Variants in APC observed in about 807,000 individuals in gnomAD.
APC encodes the protein APC regulator of Wnt signaling pathway, also known as adenomatous polyposis coli protein.
APC carries 72 observed loss-of-function variants against 247.0 expected under a neutral mutation model. The ratio of observed to expected loss-of-function variants is 0.29; its 90% confidence interval spans 0.24 to 0.35. The LOEUF is 0.35. Ranked by LOEUF, APC falls within the 10% of genes least tolerant of loss-of-function variation. The pLI is 1.00. For missense variants in APC, 3,400 were observed against 3,360.7 expected (o/e 1.01, Z -0.29); for synonymous variants, 1,254 against 1,162.5 (o/e 1.08, Z -1.60).
rs56320268 is a variant in APC at position 112,801,652 on chromosome 5, C to A, written c.834+269C>A. ...GATTGTGAGTAGTTTTTTTTAATAA[C>A]TCTAAGCTGCATTTTGATTATGTAT... On this transcript the variant is annotated intron_variant, in intron 8 of 15. Transcript: ENST00000257430. Among the ~76,000 whole-genome samples the A allele has an allele frequency of 0.015, 2,325 of 151,906 alleles. 33 individuals are homozygous for A. The highest frequency in any genetic ancestry group is 0.018 in the African/African-American group (725 of 41,412).
rs1413542387 is a variant in APC at position 112,842,976 on chromosome 5, C to T, written c.7382C>T (p.Ser2461Leu). 1.9e-6 allele frequency: 3 copies of T among 1,614,084 alleles called. No individual in the cohort carries two copies. Among genetic ancestry groups the T allele is most frequent in the South Asian group, 1.1e-5 (1 of 91,080 alleles). ...AGAAGAAAATTGGAGGAATCTGCTTCATTTGAATCTCTTTCTCCATCATCT... is the reference window on the plus strand; with the variant it reads ...AGAAGAAAATTGGAGGAATCTGCTTTATTTGAATCTCTTTCTCCATCATCT... Reference protein sequence around the residue: ...TLRRKLEESASFESLSPSSRP... With the variant: ...TLRRKLEESALFESLSPSSRP... The change falls in exon 16 of 16, where the codon TCA becomes TTA. Residue 2461 changes from serine to leucine, a missense_variant. Physicochemically the swap from Ser to Leu is moderately radical, Grantham distance 145. This residue lies in a region of APC where 1,788 missense variants were observed against 1,649.5 expected (regional missense o/e 1.08). Coordinates refer to ENST00000257430, the MANE Select transcript of APC (RefSeq NM_000038.6).
chr5:112,717,908 CTTTTTTTTTTTTT>C, intron 1 of APC, among the ~76,000 whole-genome samples: 43 of 40,654 alleles, frequency 1.1e-3, no homozygotes, highest in African/African-American at 2.4e-3. Context: ...TTTTCTTTTT[CTTTTTTTTTTTTT>C]TTTTTTTTTT....
At chr5:112,784,585 A>G (rs1301319353) in intron 6 of APC, among the ~76,000 whole-genome samples, 1 of 152,198 alleles carries the variant, frequency 6.6e-6, no homozygotes, top group African/African-American at 2.4e-5. Flanking sequence ...ATAAAATACC[A>G]TACTGAGAAT....
At chr5:112,825,902 T>A (rs1474462805) in intron 11 of APC, among the ~76,000 whole-genome samples, 1 of 152,196 alleles carries the variant, frequency 6.6e-6, no homozygotes, top group Non-Finnish European at 1.5e-5. Flanking sequence ...TTGTTCACTG[T>A]CTCTGTATTT....
intron 1 of APC, among the ~76,000 whole-genome samples, chr5:112,740,718 G>C (rs1235091187): frequency 6.6e-6 from 1 of 151,632 alleles, no homozygotes; most frequent in Non-Finnish European, 1.5e-5. Context: ...TAGAGATGGG[G>C]TTTCACCATG....
chr5:112,764,194 C>T (rs374363830), intron 2 of APC, among the ~76,000 whole-genome samples: 3 of 149,460 alleles, frequency 2.0e-5, no homozygotes, highest in Non-Finnish European at 3.0e-5. Context: ...TTCAGTGAGC[C>T]GAGATTGCGC....
intron 1 of APC, among the ~76,000 whole-genome samples, chr5:112,754,178 C>T (rs1471206048): frequency 1.3e-5 from 2 of 152,190 alleles, no homozygotes; most frequent in Non-Finnish European, 2.9e-5. Flanking sequence ...GATCCCAAGA[C>T]CACATATGCC....
chr5:112,811,956 C>G lies in APC; in HGVS notation c.835-3539C>G, dbSNP rs534153917. On this transcript the variant is annotated intron_variant, in intron 8 of 15. Transcript: ENST00000257430. ...GAGGATCTGCTTCTAAGTTCACTTA[C>G]GGCTATTGAAGGCCTCAGATCCTCA... Among the ~76,000 whole-genome samples the G allele has an allele frequency of 8.5e-5, 13 of 152,250 alleles. No homozygotes were observed. In the South Asian group the frequency reaches 2.1e-3, roughly 24 times the overall value.
chr5:112,730,289 A>G (rs1752035845), intron 1 of APC, among the ~76,000 whole-genome samples: 1 of 152,246 alleles, frequency 6.6e-6, no homozygotes, highest in South Asian at 2.1e-4. Flanking sequence ...CAGAATGATA[A>G]CAGTTGAACA....
chr5:112,810,199 CA>C, intron 8 of APC: 2 of 453,990 alleles, frequency 4.4e-6, no homozygotes, highest in Middle Eastern at 3.3e-4. Flanking sequence ...TCCCTAAGAT[CA>C]AAGAGAAATG....
chr5:112,819,474 C>G, intron 10 of APC, 130 bp downstream of exon 10: 1 of 1,216,608 alleles, frequency 8.2e-7, no homozygotes, highest in South Asian at 1.4e-5. Flanking sequence ...GCCATTTGTG[C>G]TACTCATATT....
At chr5:112,733,772 G>T (rs984968288), upstream of APC, among the ~76,000 whole-genome samples, 1 of 152,142 alleles carries the variant, frequency 6.6e-6, no homozygotes. Context: ...CTATTTTATT[G>T]TAGGAAGACT....
chr5:112,721,518 G>A (rs946513869), intron 1 of APC, among the ~76,000 whole-genome samples: 1 of 152,194 alleles, frequency 6.6e-6, no homozygotes, highest in Non-Finnish European at 1.5e-5. Flanking sequence ...AAGGTCCTGC[G>A]TGGATCATGG....
chr5:112,712,541 G>C (rs1750915070), intron 1 of APC, among the ~76,000 whole-genome samples: 1 of 150,028 alleles, frequency 6.7e-6, no homozygotes. Context: ...CTACAGGTGT[G>C]CATCACCACA....
At chr5:112,732,558 T>C (rs1308094841) in intron 1 of APC, among the ~76,000 whole-genome samples, 1 of 152,232 alleles carries the variant, frequency 6.6e-6, no homozygotes, top group East Asian at 1.9e-4. Context: ...CGTGAGGGCA[T>C]CTTAATTGAA....
rs730881230 is a variant in APC, at chr5:112,775,612, TAAA to T, written c.423-6_423-4del. On this transcript the variant is annotated splice_polypyrimidine_tract_variant and intron_variant, in intron 4 of 15. Transcript: ENST00000257430. ...AGCATTGTTTAAACGTACCTTTTTTTAAAAAAAAAAAAATAGGTCATTGCTTCT... is the reference window on the plus strand; with the variant it reads ...AGCATTGTTTAAACGTACCTTTTTTTAAAAAAAAAATAGGTCATTGCTTCT... 18 of 1,171,144 alleles carry T rather than the reference TAAA, an allele frequency of 1.5e-5. No individual in the cohort carries two copies. Among genetic ancestry groups the T allele is most frequent in the African/African-American group, 3.1e-5 (2 of 63,672 alleles). 72.5% of individuals were successfully genotyped at this position (1,171,144 alleles called of 1,614,324 possible).
At chr5:112,765,377 G>T (rs1049902461) in intron 2 of APC, among the ~76,000 whole-genome samples, 2 of 152,150 alleles carry the variant, frequency 1.3e-5, no homozygotes. Context: ...GCCTCCCAAA[G>T]CGTTGAGGTT....
At chr5:112,758,811 C>T (rs1200911561) in intron 2 of APC, among the ~76,000 whole-genome samples, 2 of 150,898 alleles carry the variant, frequency 1.3e-5, no homozygotes, top group Non-Finnish European at 3.0e-5. Context: ...CCATGTTTGC[C>T]AGGCTGGTCT....
intron 1 of APC, among the ~76,000 whole-genome samples, chr5:112,709,903 C>G (rs1018700021): frequency 1.3e-5 from 2 of 152,054 alleles, no homozygotes; most frequent in African/African-American, 4.8e-5. Flanking sequence ...ACCCTGTCTC[C>G]TAACAAACAA....
Sources: gnomAD v4.1 joint callset for allele counts (sites outside exome capture counted in the v4.1 genomes callset) on GRCh38, gnomAD v4.1.1 for gene constraint, gnomAD v4.1.1 regional missense constraint, MANE v1.5 for transcripts, NCBI Gene and HGNC (gene_info 2026-07-23, HGNC 2026-07-21) for gene names.